STK10: variants seen among roughly 807,000 people sequenced by gnomAD.
STK10 encodes the protein serine/threonine kinase 10, also known as serine/threonine-protein kinase 10.
In STK10, 78 loss-of-function variants were observed where a neutral mutation model predicts 113.8. The observed-to-expected ratio is 0.69, with a 90% CI of 0.57 to 0.83. The LOEUF is 0.83. STK10 is among the 40% of genes least tolerant of loss of function. The pLI, the probability that STK10 is intolerant of heterozygous loss-of-function variation, is 0.00. For synonymous variants in STK10, 465 were observed against 494.7 expected, an observed-to-expected ratio of 0.94 and a Z score of 0.80; for missense variants, 1,109 against 1,280.1, an observed-to-expected ratio of 0.87 and a Z score of 2.04.
At chr5:172,164,314 C>T (rs1430921058) in intron 1 of STK10, among the ~76,000 whole-genome samples, 1 of 152,012 alleles carries the variant, frequency 6.6e-6, no homozygotes, top group Non-Finnish European at 1.5e-5. Flanking sequence ...TGCAAGCTCT[C>T]CTTGACTTCT....
intron 7 of STK10, among the ~76,000 whole-genome samples, chr5:172,104,205 C>T (rs574729000): frequency 3.7e-4 from 57 of 152,344 alleles, no homozygotes; most frequent in African/African-American, 1.2e-3. Flanking sequence ...GGAGCCGACA[C>T]GGCAGTGAAA....
Position 172,093,878 on chromosome 5 carries a change from G to A in STK10, c.1088C>T (p.Ser363Phe), listed in dbSNP as rs1173775358. The A allele has an allele frequency of 6.4e-7, 1 of 1,568,128 alleles. No individual in the cohort carries two copies. The highest frequency in any genetic ancestry group is 1.8e-5 in the Admixed American group (1 of 55,268). The change falls in exon 9 of 19, where the codon TCC (serine) becomes TTC (phenylalanine). Residue 363 changes from serine to phenylalanine, a missense_variant. Physicochemically the swap from Ser to Phe is radical, Grantham distance 155. Around this residue, in one of 5 missense-constraint regions of STK10, gnomAD observed 885 missense variants for 991.1 expected, o/e 0.89. Coordinates refer to ENST00000176763, the MANE Select transcript of STK10 (RefSeq NM_005990.4). The surrounding 1 kb of genome is among the most constrained non-coding windows in gnomAD (Gnocchi z 4.1). ...AGACTGGCTGGGTGCCAGCGGGGTG[G>A]AAGGTGACTCCTCGAGAGGCTTGTC... is the stretch of plus-strand genomic sequence containing the variant. ...NADKPLEESP[S>F]TPLAPSQSQD...
chr5:172,067,527 T>C (rs1019141638), intron 12 of STK10, among the ~76,000 whole-genome samples: 3 of 152,070 alleles, frequency 2.0e-5, no homozygotes, highest in Admixed American at 6.6e-5. Flanking sequence ...ATGACACAGA[T>C]GTTGGGACTG....
chr5:172,152,398 GC>G (rs1770254736), intron 2 of STK10, among the ~76,000 whole-genome samples: 1 of 152,124 alleles, frequency 6.6e-6, no homozygotes, highest in Non-Finnish European at 1.5e-5. Flanking sequence ...TGAAAGATTT[GC>G]CCAGAGACCA....
Position 172,082,227 on chromosome 5 carries a change from C to A in STK10, c.1989+99G>T. 7.4e-7 allele frequency: 1 copy of A among 1,356,342 alleles called. No homozygotes were observed. The highest frequency in any genetic ancestry group is 9.7e-7 in the Non-Finnish European group (1 of 1,027,986). The allele number at this position is 1,356,342 out of a possible 1,614,324, so 84.0% of individuals were successfully genotyped here. ...CTGCTCCCGAGCTCTTCAGCCGTACCCCTCTGCTGCCAAGGTGAGGTTGAG... is the reference window on the plus strand; with the variant it reads ...CTGCTCCCGAGCTCTTCAGCCGTACACCTCTGCTGCCAAGGTGAGGTTGAG... On this transcript the variant is annotated intron_variant, in intron 12 of 18. Coordinates refer to ENST00000176763, the MANE Select transcript of STK10 (RefSeq NM_005990.4). The surrounding 1 kb of genome is among the most constrained non-coding windows in gnomAD (Gnocchi z 4.3).
intron 2 of STK10, among the ~76,000 whole-genome samples, chr5:172,155,088 A>C (rs900667388): frequency 5.5e-5 from 7 of 128,146 alleles, no homozygotes; most frequent in African/African-American, 2.0e-4. Context: ...ACAGAGAGGA[A>C]GATGAATGGA....
intron 1 of STK10, among the ~76,000 whole-genome samples, chr5:172,175,889 G>C (rs3776748): frequency 6.6e-6 from 1 of 152,158 alleles, no homozygotes; most frequent in Non-Finnish European, 1.5e-5. Flanking sequence ...GCTTCATCAG[G>C]TGTGGAGTGA....
chr5:172,110,507 G>C (rs967846795), intron 4 of STK10, among the ~76,000 whole-genome samples: 1 of 152,154 alleles, frequency 6.6e-6, no homozygotes, highest in Non-Finnish European at 1.5e-5. Context: ...GAAGAACACA[G>C]TGCTGGGGTG....
rs1268840901 is a variant in STK10 at position 172,168,300 on chromosome 5, CTATT to C, written c.157-11516_157-11513del. The stretch of plus-strand genomic sequence containing the variant: ...GTCAATCGCAGGAAGGGCTGCGACT[CTATT>C]TAGGAGAGAGAAAATCTGGCCCCAG... On this transcript the variant is annotated intron_variant, in intron 1 of 18. Transcript: ENST00000176763. 4.6e-5 allele frequency among the ~76,000 whole-genome samples: 7 copies of C among 152,278 alleles called. No homozygotes were observed. The East Asian group carries it at 1.3e-3, about 29-fold the overall frequency.
intron 2 of STK10, among the ~76,000 whole-genome samples, chr5:172,150,343 T>C (rs1770195442): frequency 6.6e-6 from 1 of 151,580 alleles, no homozygotes; most frequent in African/African-American, 2.4e-5. Flanking sequence ...TAGCCGGGTG[T>C]GGTGGTGCAT....
At chr5:172,090,412 C>T in intron 9 of STK10, 50 bp from the exon 10 acceptor site, 1 of 1,591,602 alleles carries the variant, frequency 6.3e-7, no homozygotes. Flanking sequence ...GCTAAGGACC[C>T]ATGGCTGTCG....
chr5:172,180,665 C>T (rs539609041), intron 1 of STK10, among the ~76,000 whole-genome samples: 11 of 151,378 alleles, frequency 7.3e-5, no homozygotes, highest in Admixed American at 3.3e-4. Context: ...AAACATTAGC[C>T]GGGCGTGGTG....
At chr5:172,088,466 C>A (rs1768619444) in intron 10 of STK10, among the ~76,000 whole-genome samples, 1 of 152,052 alleles carries the variant, frequency 6.6e-6, no homozygotes. Flanking sequence ...AGAAGTTGCA[C>A]TGAACCAAGA....
Position 172,053,043 on chromosome 5 carries a change from C to G in STK10, c.2653-1G>C. 6.2e-7 allele frequency: 1 copy of G among 1,613,784 alleles called. No individual in the cohort carries two copies. The highest frequency in any genetic ancestry group is 8.5e-7 in the Non-Finnish European group (1 of 1,179,812). ...CTACCAGGAGGTGGCACTTTTCATTCTGGAACAGATTCCAGGCAGAACAGG... is the reference window on the plus strand; with the variant it reads ...CTACCAGGAGGTGGCACTTTTCATTGTGGAACAGATTCCAGGCAGAACAGG... On this transcript the variant is annotated splice_acceptor_variant, in intron 17 of 18. Transcript: ENST00000176763. LOFTEE classifies it high-confidence loss of function.
chr5:172,097,544 G>C (rs558538574), intron 7 of STK10, among the ~76,000 whole-genome samples: 1 of 152,196 alleles, frequency 6.6e-6, no homozygotes, highest in African/African-American at 2.4e-5. Flanking sequence ...TTTACTCAGC[G>C]TCATGACTGT....
chr5:172,102,024 A>T lies in STK10; in HGVS notation c.870+3632T>A. Among the ~76,000 whole-genome samples, 2 of 152,104 alleles carry T rather than the reference A, an allele frequency of 1.3e-5. 1 individual carries two copies. Among genetic ancestry groups the T allele is most frequent in the Non-Finnish European group, 2.9e-5 (2 of 68,012 alleles). ...GGCCCTGAGACTCTGGGTTTTCCCT[A>T]GAGTGAAACGGGAGCCACTGGGGAG... On this transcript the variant is annotated intron_variant, in intron 7 of 18. Coordinates refer to ENST00000176763, the MANE Select transcript of STK10 (RefSeq NM_005990.4).
intron 7 of STK10, among the ~76,000 whole-genome samples, chr5:172,104,694 G>A (rs10062654): frequency 0.74 from 112,079 of 152,080 alleles, 41,383 homozygotes; most frequent in East Asian, 0.84. Flanking sequence ...TAACAAGGTT[G>A]GATCCTCAGC....
chr5:172,179,595 C>T (rs563383507), intron 1 of STK10, among the ~76,000 whole-genome samples: 3 of 146,488 alleles, frequency 2.0e-5, no homozygotes, highest in Non-Finnish European at 4.4e-5. Context: ...ACCCGCAGGG[C>T]TGTGGGCAGG....
intron 7 of STK10, among the ~76,000 whole-genome samples, chr5:172,101,763 G>GGCT (rs1486424356): frequency 6.6e-6 from 1 of 152,212 alleles, no homozygotes; most frequent in Non-Finnish European, 1.5e-5. Flanking sequence ...CTCACCACAA[G>GGCT]GCTGACATTA....
Sources: allele counts gnomAD v4.1 joint callset (sites outside exome capture counted in the v4.1 genomes callset), GRCh38; gene constraint gnomAD v4.1.1; regional missense constraint gnomAD v4.1.1; non-coding constraint Gnocchi (gnomAD v3.1); transcripts MANE v1.5; gene names NCBI Gene and HGNC (gene_info 2026-07-23, HGNC 2026-07-21).